Variants in OR2M4 observed in about 807,000 individuals in gnomAD.
OR2M4 encodes olfactory receptor family 2 subfamily M member 4.
Under a neutral mutation model 13.7 loss-of-function variants are expected in OR2M4, and 8 were observed. The ratio of observed to expected loss-of-function variants is 0.58; its 90% CI spans 0.34 to 1.05. The LOEUF is 1.05. OR2M4 is among the 50% of genes least tolerant of loss of function. The pLI, the probability that OR2M4 is intolerant of heterozygous loss-of-function variation, is 0.02. For missense variants in OR2M4, 374 were observed against 381.6 expected, an observed-to-expected ratio of 0.98 and a Z score of 0.17; for synonymous variants, 152 against 141.3, an observed-to-expected ratio of 1.08 and a Z score of -0.53.
In OR2M4 at chr1:248,242,530, T is replaced by A. The variant is rs1027803949; in HGVS notation, c.*2666T>A. ...GCCTTGGCCTCCCAAAGTGCCTGGA[T>A]TACATGCGTCAGCCACAGCACCCAG... On this transcript the variant is annotated 3_prime_UTR_variant, in exon 2 of 2. Transcript: ENST00000641868. The A allele has an allele frequency of 1.3e-5, 2 of 152,260 alleles. No homozygotes were observed. The highest frequency in any genetic ancestry group is 2.9e-5 in the Non-Finnish European group (2 of 68,086). 9.4% of individuals were successfully genotyped at this position (152,260 alleles called of 1,614,324 possible).
chr1:248,240,646 A>C lies in OR2M4; in HGVS notation c.*782A>C, dbSNP rs1160994800. 6.6e-6 allele frequency: 1 copy of C among 152,200 alleles called. No homozygotes were observed. Among genetic ancestry groups the C allele is most frequent in the East Asian group, 1.9e-4 (1 of 5,198 alleles). 9.4% of individuals were successfully genotyped at this position (152,200 alleles called of 1,614,324 possible). A position where few individuals can be genotyped will look rare whatever the true frequency, so the allele number is the denominator to read the frequency against. On this transcript the variant is annotated 3_prime_UTR_variant, in exon 2 of 2. Transcript: ENST00000641868. ...GGACAGCAATTTAACAATAATCCAT[A>C]CACGAACAACACATTCATGAGAGCC... is the stretch of plus-strand genomic sequence containing the variant.
At chr1:248,238,433 C>T (rs1352018438) in intron 1 of OR2M4, among the ~76,000 whole-genome samples, 1 of 152,008 alleles carries the variant, frequency 6.6e-6, no homozygotes, top group African/African-American at 2.4e-5. Context: ...TATAATCCTT[C>T]ACTGGGCTGC....
intron 1 of OR2M4, among the ~76,000 whole-genome samples, chr1:248,235,117 C>T (rs1470037890): frequency 6.6e-6 from 1 of 152,028 alleles, no homozygotes; most frequent in Non-Finnish European, 1.5e-5. Flanking sequence ...AGATTTTCTT[C>T]TAGGGTTTTT....
chr1:248,244,090 C>G lies in OR2M4; in HGVS notation c.*4226C>G, dbSNP rs1666643582. 1 of 152,156 alleles carries G rather than the reference C, an allele frequency of 6.6e-6. No homozygotes were observed. Among genetic ancestry groups the G allele is most frequent in the Non-Finnish European group, 1.5e-5 (1 of 68,018 alleles). 9.4% of individuals were successfully genotyped at this position (152,156 alleles called of 1,614,324 possible). A position where few individuals can be genotyped will look rare whatever the true frequency, so the allele number is the denominator to read the frequency against. ...TGTGGAGAAAAGGAACACATATACA[C>G]TGTTGGTGGGAATGTAAATTATAGT... On this transcript the variant is annotated 3_prime_UTR_variant, in exon 2 of 2. Transcript: ENST00000641868.
rs1192147551 is a variant in OR2M4, at chr1:248,239,304, A to C, written c.376A>C (p.Ile126Leu). The change falls in exon 2 of 2, where the codon ATA becomes CTA. Residue 126 changes from isoleucine to leucine, a missense_variant. Transcript: ENST00000641868. ...CATGGCTTATGACCGCTATGTGGCT[A>C]TATGTCACCCTCTTCAGTACACCAT... is the stretch of plus-strand genomic sequence containing the variant. ...AVMAYDRYVA[I>L]CHPLQYTILM... The C allele has an allele frequency of 6.2e-7, 1 of 1,613,960 alleles. No individual in the cohort carries two copies. The highest frequency in any genetic ancestry group is 8.5e-7 in the Non-Finnish European group (1 of 1,179,988).
At chr1:248,233,913 C>T (rs1361163172) in intron 1 of OR2M4, among the ~76,000 whole-genome samples, 2 of 152,098 alleles carry the variant, frequency 1.3e-5, no homozygotes, top group Admixed American at 6.6e-5. Flanking sequence ...TTACAAAGAC[C>T]TGATGGTTGA....
chr1:248,233,375 T>A (rs988291107), intron 1 of OR2M4, among the ~76,000 whole-genome samples: 1 of 152,206 alleles, frequency 6.6e-6, no homozygotes, highest in Non-Finnish European at 1.5e-5. Flanking sequence ...AGCTTGCTGA[T>A]ATGAAGTAGG....
Position 248,240,961 on chromosome 1 carries a change from C to T in OR2M4, c.*1097C>T, listed in dbSNP as rs993735432. 3 of 152,232 alleles carry T rather than the reference C, an allele frequency of 2.0e-5. No homozygotes were observed. The highest frequency in any genetic ancestry group is 7.2e-5 in the African/African-American group (3 of 41,444). 9.4% of individuals were successfully genotyped at this position (152,232 alleles called of 1,614,324 possible). On this transcript the variant is annotated 3_prime_UTR_variant, in exon 2 of 2. Coordinates refer to ENST00000641868, the MANE Select transcript of OR2M4 (RefSeq NM_017504.2). ...ACCAGCCCTTGTCAGAGGGGAATTA[C>T]TGATCCCAGTGGTCAAAACTTGTGT... is the stretch of plus-strand genomic sequence containing the variant.
At position 248,239,596 on chromosome 1, in the gene OR2M4, G is replaced by A. The variant is rs1303779875; in HGVS notation, c.668G>A (p.Arg223Gln). The A allele has an allele frequency of 5.6e-6, 9 of 1,613,712 alleles. No homozygotes were observed. Among genetic ancestry groups the A allele is most frequent in the Non-Finnish European group, 6.8e-6 (8 of 1,179,990 alleles). The change falls in exon 2 of 2, where the codon CGA becomes CAA. Residue 223 changes from arginine (R) to glutamine (Q), a missense_variant. Transcript: ENST00000641868. ...ATACTTTCCTATTCCCATGTCCTTC[G>A]AGCCGTCATCCACATGGGCTCTGGG... ...VIILSYSHVL[R>Q]AVIHMGSGES...
At position 248,239,258 on chromosome 1, in the gene OR2M4, T is replaced by C. The variant is rs751372495; in HGVS notation, c.330T>C (p.Ala110=). The stretch of plus-strand genomic sequence containing the variant: ...TCTTCTATGTGTCCCTGCTTGGAGC[T>C]GAATGTTTCTTGTTGGCTGTCATGG... ...QIFFYVSLLG[A]ECFLLAVMAY... The change falls in exon 2 of 2, where the codon GCT becomes GCC. Residue 110 remains alanine (A), a synonymous_variant. Transcript: ENST00000641868. 1 of 1,614,088 alleles carries C rather than the reference T, an allele frequency of 6.2e-7. No individual in the cohort carries two copies. The highest frequency in any genetic ancestry group is 1.7e-5 in the Admixed American group (1 of 60,016).
chr1:248,234,835 C>T (rs1248647080), intron 1 of OR2M4, among the ~76,000 whole-genome samples: 1 of 151,324 alleles, frequency 6.6e-6, no homozygotes, highest in Non-Finnish European at 1.5e-5. Context: ...CTGTTCATGT[C>T]CTTTGCCTAC....
intron 1 of OR2M4, among the ~76,000 whole-genome samples, chr1:248,232,730 G>A (rs1033313515): frequency 6.6e-6 from 1 of 152,106 alleles, no homozygotes; most frequent in Admixed American, 6.5e-5. Context: ...TAAAATGGAA[G>A]AGCAAAGAAA....
At position 248,239,931 on chromosome 1, in the gene OR2M4, A is replaced by C. The variant is rs1666601556; in HGVS notation, c.*67A>C. The C allele has an allele frequency of 5.4e-6, 5 of 925,978 alleles. No homozygotes were observed. Among genetic ancestry groups the C allele is most frequent in the Non-Finnish European group, 8.0e-6 (5 of 622,430 alleles). 57.4% of individuals were successfully genotyped at this position (925,978 alleles called of 1,614,324 possible). The stretch of plus-strand genomic sequence containing the variant: ...CATTCAAAAAAACTGGAATCTCTTA[A>C]ATTATTCTATTTCTATTTCTGGTAA... On this transcript the variant is annotated 3_prime_UTR_variant, in exon 2 of 2. Transcript: ENST00000641868.
Position 248,238,928 on chromosome 1 carries a change from G to A in OR2M4, c.-1G>A. 1 of 1,582,818 alleles carries A rather than the reference G, an allele frequency of 6.3e-7. No individual in the cohort carries two copies. Among genetic ancestry groups the A allele is most frequent in the Non-Finnish European group, 8.6e-7 (1 of 1,166,408 alleles). Reference sequence around the variant, plus strand: ...TTCTCAGATAAGGCAAATTATCCAGGATGGTGTGGGAAAACCAGACCTTCA... The same window carrying A: ...TTCTCAGATAAGGCAAATTATCCAGAATGGTGTGGGAAAACCAGACCTTCA... On this transcript the variant is annotated 5_prime_UTR_variant, in exon 2 of 2. Transcript: ENST00000641868.
rs1666620060 is a variant in OR2M4, at chr1:248,241,613, A to G, written c.*1749A>G. On this transcript the variant is annotated 3_prime_UTR_variant, in exon 2 of 2. Coordinates refer to ENST00000641868, the MANE Select transcript of OR2M4 (RefSeq NM_017504.2). Reference sequence around the variant, plus strand: ...AAAAAATAATTTCTGGGCCGGATGCAGTGGCTCGCTCATGCCTGTAATCCC... The same window carrying G: ...AAAAAATAATTTCTGGGCCGGATGCGGTGGCTCGCTCATGCCTGTAATCCC... 6.6e-6 allele frequency: 1 copy of G among 152,168 alleles called. No individual in the cohort carries two copies. The highest frequency in any genetic ancestry group is 1.5e-5 in the Non-Finnish European group (1 of 68,040). 9.4% of individuals were successfully genotyped at this position (152,168 alleles called of 1,614,324 possible). A position where few individuals can be genotyped will look rare whatever the true frequency, so the allele number is the denominator to read the frequency against.
rs760220451 is a variant in OR2M4 at position 248,238,896 on chromosome 1, T to C, written c.-19-14T>C. ...AATTGATAAATAAGCTTGTACCTTC[T>C]TTGGAATTCTCAGATAAGGCAAATT... On this transcript the variant is annotated splice_polypyrimidine_tract_variant and intron_variant, in intron 1 of 1. Coordinates refer to ENST00000641868, the MANE Select transcript of OR2M4 (RefSeq NM_017504.2). The C allele has an allele frequency of 1.4e-5, 20 of 1,459,572 alleles. No individual in the cohort carries two copies. The highest frequency in any genetic ancestry group is 1.8e-5 in the Non-Finnish European group (19 of 1,069,900). The allele number at this position is 1,459,572 out of a possible 1,614,324, so 90.4% of individuals were successfully genotyped here. A position where few individuals can be genotyped will look rare whatever the true frequency, so the allele number is the denominator to read the frequency against.
In OR2M4 at chr1:248,244,433, C is replaced by G. The variant is rs1004001090; in HGVS notation, c.*4569C>G. On this transcript the variant is annotated 3_prime_UTR_variant, in exon 2 of 2. Transcript: ENST00000641868. ...GGCCATTATCCTAAGTGAATTAATG[C>G]AGTAACAAAAAACCAAATACTGCAT... 9 of 152,064 alleles carry G rather than the reference C, an allele frequency of 5.9e-5. No individual in the cohort carries two copies. Among genetic ancestry groups the G allele is most frequent in the Non-Finnish European group, 8.8e-5 (6 of 68,020 alleles). 9.4% of individuals were successfully genotyped at this position (152,064 alleles called of 1,614,324 possible).
chr1:248,235,273 A>T (rs1246002897), intron 1 of OR2M4, among the ~76,000 whole-genome samples: 1 of 152,066 alleles, frequency 6.6e-6, no homozygotes, highest in East Asian at 1.9e-4. Flanking sequence ...TCCTTTCCCC[A>T]TTGCTTGTTT....
chr1:248,238,835 C>T (rs1444009122), intron 1 of OR2M4, 75 bp from the exon 2 acceptor site: 7 of 911,718 alleles, frequency 7.7e-6, no homozygotes, highest in African/African-American at 1.7e-5. Context: ...TATAAACTGC[C>T]CAGTAGAGTA....
Sources: gnomAD v4.1 joint callset for allele counts (sites outside exome capture counted in the v4.1 genomes callset) on GRCh38, gnomAD v4.1.1 for gene constraint, MANE v1.5 for transcripts, NCBI Gene and HGNC (gene_info 2026-07-23, HGNC 2026-07-21) for gene names.